DTNB: variants seen among roughly 807,000 people sequenced by gnomAD.
DTNB encodes the protein dystrobrevin beta.
In DTNB, 63 loss-of-function variants were observed where a neutral mutation model predicts 90.7. That is an observed-to-expected ratio of 0.69 (90% CI 0.57 to 0.86). DTNB has a LOEUF of 0.86. Ranked by LOEUF, DTNB falls within the 40% of genes least tolerant of loss-of-function variation. The pLI is 0.00. For missense variants in DTNB, 744 were observed against 807.1 expected, an observed-to-expected ratio of 0.92 and a Z score of 0.95; for synonymous variants, 277 against 286.7, an observed-to-expected ratio of 0.97 and a Z score of 0.34.
At position 25,404,171 on chromosome 2, in the gene DTNB, C is replaced by A. The variant is rs1282006765; in HGVS notation, c.1575+15344G>T. Among the ~76,000 whole-genome samples, 6 of 152,286 alleles carry A rather than the reference C, an allele frequency of 3.9e-5. No individual in the cohort carries two copies. The South Asian group carries it at 1.0e-3, about 26-fold the overall frequency. ...GGGGGCTATGCAGCTGAGGCAATATCTCCACTCTCAGCAGGCCTATCCCGA... is the reference window on the plus strand; with the variant it reads ...GGGGGCTATGCAGCTGAGGCAATATATCCACTCTCAGCAGGCCTATCCCGA... On this transcript the variant is annotated intron_variant, in intron 16 of 20. Transcript: ENST00000406818.
chr2:25,662,674 ACACACAAAC>A lies in DTNB; in HGVS notation c.-1-10022_-1-10014del, dbSNP rs1574194203. On this transcript the variant is annotated intron_variant, in intron 1 of 20. Transcript: ENST00000406818. ...AATACACACACACACACACACACAC[ACACACAAAC>A]ACACACACACACACACACACACACA... Among the ~76,000 whole-genome samples the A allele has an allele frequency of 1.3e-4, 10 of 74,736 alleles. No individual in the cohort carries two copies. The East Asian group carries it at 1.6e-3, about 12-fold the overall frequency. 49.0% of individuals were successfully genotyped at this position (74,736 alleles called of 152,430 possible). A position where few individuals can be genotyped will look rare whatever the true frequency, so the allele number is the denominator to read the frequency against.
chr2:25,500,197 G>A (rs2070192664), intron 9 of DTNB, among the ~76,000 whole-genome samples: 1 of 152,106 alleles, frequency 6.6e-6, no homozygotes, highest in East Asian at 1.9e-4. Context: ...CACTGTGCCA[G>A]GCCATCTACT....
intron 6 of DTNB, among the ~76,000 whole-genome samples, chr2:25,586,510 CA>C (rs1299315782): frequency 8.7e-3 from 468 of 53,828 alleles, no homozygotes; most frequent in Middle Eastern, 0.022. Flanking sequence ...ACTCTGTCTC[CA>C]AAAAAAAAAA....
intron 10 of DTNB, 102 bp downstream of exon 10, chr2:25,482,694 G>T: frequency 4.4e-6 from 5 of 1,142,076 alleles, no homozygotes; most frequent in Non-Finnish European, 5.3e-6. Flanking sequence ...AGTCCTTTCT[G>T]CCCTGTGGAA....
intron 6 of DTNB, among the ~76,000 whole-genome samples, chr2:25,591,273 C>A (rs560481493): frequency 1.3e-5 from 2 of 152,290 alleles, no homozygotes; most frequent in Admixed American, 6.5e-5. Context: ...GCTGCAGCTG[C>A]GCCCAGGGAA....
chr2:25,544,886 T>G (rs781415716), intron 8 of DTNB, among the ~76,000 whole-genome samples: 1 of 152,246 alleles, frequency 6.6e-6, no homozygotes, highest in Non-Finnish European at 1.5e-5. Context: ...TCAAAGTATA[T>G]CCTTTATTAA....
chr2:25,440,603 T>C (rs576942594), intron 12 of DTNB, among the ~76,000 whole-genome samples: 2 of 152,340 alleles, frequency 1.3e-5, no homozygotes, highest in South Asian at 2.1e-4. Flanking sequence ...CAAATATACA[T>C]GAGGACATGC....
intron 9 of DTNB, among the ~76,000 whole-genome samples, chr2:25,530,810 T>G (rs2078020155): frequency 6.6e-6 from 1 of 152,136 alleles, no homozygotes; most frequent in Non-Finnish European, 1.5e-5. Flanking sequence ...TCTACCAAAT[T>G]TATTCATCAG....
At position 25,556,856 on chromosome 2, in the gene DTNB, A is replaced by G. The variant is rs116097240; in HGVS notation, c.876+19982T>C. Among the ~76,000 whole-genome samples the G allele has an allele frequency of 1.2e-3, 184 of 152,334 alleles. 1 individual carries two copies. The highest frequency in any genetic ancestry group is 4.3e-3 in the African/African-American group (179 of 41,568). On this transcript the variant is annotated intron_variant, in intron 8 of 20. Transcript: ENST00000406818. Reference sequence around the variant, plus strand: ...CAAAAACATAAAACTAAGAAAATATAGTGTATTAGGCAACTGCAAATAGTT... The same window carrying G: ...CAAAAACATAAAACTAAGAAAATATGGTGTATTAGGCAACTGCAAATAGTT...
At chr2:25,624,657 G>A (rs1410240460) in intron 4 of DTNB, among the ~76,000 whole-genome samples, 1 of 152,188 alleles carries the variant, frequency 6.6e-6, no homozygotes, top group Non-Finnish European at 1.5e-5. Context: ...GTTGGAAATA[G>A]AAAGGGGATT....
At chr2:25,623,411 A>G (rs977358498) in intron 4 of DTNB, among the ~76,000 whole-genome samples, 1 of 152,214 alleles carries the variant, frequency 6.6e-6, no homozygotes, top group Non-Finnish European at 1.5e-5. Context: ...AAGGAGAAAG[A>G]CATGGAGGCT....
In DTNB at chr2:25,565,873, G is replaced by C. The variant is rs113422856; in HGVS notation, c.876+10965C>G. On this transcript the variant is annotated intron_variant, in intron 8 of 20. Transcript: ENST00000406818. ...TTCAAGACGTAATAGTCTAGAAGTAGCTAATTGGAAAACAGGTAGAAAAAT... is the reference window on the plus strand; with the variant it reads ...TTCAAGACGTAATAGTCTAGAAGTACCTAATTGGAAAACAGGTAGAAAAAT... Among the ~76,000 whole-genome samples the C allele has an allele frequency of 3.4e-3, 517 of 152,234 alleles. 2 individuals carry two copies. Among genetic ancestry groups the C allele is most frequent in the African/African-American group, 0.012 (490 of 41,540 alleles).
At chr2:25,641,941 C>T in intron 2 of DTNB, among the ~76,000 whole-genome samples, 1 of 152,142 alleles carries the variant, frequency 6.6e-6, no homozygotes, top group African/African-American at 2.4e-5. Context: ...CTGCCTCAGC[C>T]TCCCGAGTAG....
At chr2:25,385,474 G>A (rs755051213) in intron 18 of DTNB, among the ~76,000 whole-genome samples, 21 of 152,188 alleles carry the variant, frequency 1.4e-4, no homozygotes, top group Non-Finnish European at 2.8e-4. Flanking sequence ...TTTGGTCCAC[G>A]TCTACCTACA....
intron 9 of DTNB, among the ~76,000 whole-genome samples, chr2:25,495,934 T>A (rs1321825973): frequency 1.3e-5 from 2 of 152,218 alleles, no homozygotes; most frequent in Admixed American, 6.5e-5. Flanking sequence ...CATATATGCC[T>A]CAATTTATAT....
intron 10 of DTNB, among the ~76,000 whole-genome samples, chr2:25,468,500 G>A (rs116265207): frequency 8.5e-5 from 13 of 152,136 alleles, no homozygotes; most frequent in Non-Finnish European, 1.5e-4. Context: ...CAAAACGACC[G>A]AGGGCCAAAG....
At chr2:25,654,593 T>C (rs971679208) in intron 1 of DTNB, among the ~76,000 whole-genome samples, 18 of 152,334 alleles carry the variant, frequency 1.2e-4, no homozygotes, top group African/African-American at 4.1e-4. Flanking sequence ...AGCAAAACAG[T>C]TGACATCCTG....
intron 3 of DTNB, among the ~76,000 whole-genome samples, chr2:25,630,860 A>G (rs990152095): frequency 1.3e-5 from 2 of 151,122 alleles, no homozygotes; most frequent in African/African-American, 2.4e-5. Flanking sequence ...AAAAAAAAAA[A>G]AAAAAAAGGG....
chr2:25,545,423 T>C (rs1221285545), intron 8 of DTNB, among the ~76,000 whole-genome samples: 1 of 152,212 alleles, frequency 6.6e-6, no homozygotes, highest in African/African-American at 2.4e-5. Flanking sequence ...GTTTTCTGCA[T>C]AGGAGTCCCA....
Sources: gnomAD v4.1 joint callset for allele counts (sites outside exome capture counted in the v4.1 genomes callset) on GRCh38, gnomAD v4.1.1 for gene constraint, MANE v1.5 for transcripts, NCBI Gene and HGNC (gene_info 2026-07-23, HGNC 2026-07-21) for gene names.